ATP6V0D2: variants seen among roughly 807,000 people sequenced by gnomAD.
The protein encoded by ATP6V0D2 is ATPase H+ transporting V0 subunit d2, also known as V-type proton ATPase subunit d 2.
Under a neutral mutation model 40.0 loss-of-function variants are expected in ATP6V0D2, and 40 were observed. That is an observed-to-expected ratio of 1.00 (90% CI 0.78 to 1.30). ATP6V0D2 has a LOEUF of 1.30. ATP6V0D2 is among the 50% of genes most tolerant of loss of function. ATP6V0D2 has a pLI of 0.00. For missense variants in ATP6V0D2, 470 were observed against 423.1 expected (o/e 1.11, Z -0.97); for synonymous variants, 179 against 156.3 (o/e 1.15, Z -1.08).
intron 2 of ATP6V0D2, among the ~76,000 whole-genome samples, chr8:86,137,773 G>C (rs961240638): frequency 6.6e-6 from 1 of 152,154 alleles, no homozygotes; most frequent in Non-Finnish European, 1.5e-5. Context: ...TTCAGAAGCA[G>C]ACTGCCTGAG....
At chr8:86,126,252 A>ATATATATATATATGTATG (rs1232910654) in intron 2 of ATP6V0D2, among the ~76,000 whole-genome samples, 2 of 135,830 alleles carry the variant, frequency 1.5e-5, no homozygotes, top group Non-Finnish European at 3.2e-5. Flanking sequence ...ATATATATAT[A>ATATATATATATATGTATG]TATATATATA....
chr8:86,102,062 G>A (rs1349461102), intron 1 of ATP6V0D2, among the ~76,000 whole-genome samples: 2 of 152,162 alleles, frequency 1.3e-5, no homozygotes, highest in East Asian at 3.8e-4. Context: ...ACACGCTATT[G>A]GTGATGGAGG....
At chr8:86,114,868 T>G (rs927509785) in intron 2 of ATP6V0D2, among the ~76,000 whole-genome samples, 1 of 152,108 alleles carries the variant, frequency 6.6e-6, no homozygotes, top group Non-Finnish European at 1.5e-5. Context: ...AAAATGTAGA[T>G]GTAAAGCACA....
intron 1 of ATP6V0D2, among the ~76,000 whole-genome samples, chr8:86,103,468 G>C (rs1390982283): frequency 6.6e-6 from 1 of 151,932 alleles, no homozygotes; most frequent in Non-Finnish European, 1.5e-5. Flanking sequence ...TTGTTTAGAA[G>C]GGAATTAGGG....
intron 3 of ATP6V0D2, 71 bp downstream of exon 3, chr8:86,139,706 T>G: frequency 6.8e-7 from 1 of 1,463,476 alleles, no homozygotes; most frequent in South Asian, 1.4e-5. Flanking sequence ...GTACTATTTT[T>G]TTCTTCCCTG....
chr8:86,112,526 T>C (rs1184097885), intron 1 of ATP6V0D2, among the ~76,000 whole-genome samples: 2 of 152,120 alleles, frequency 1.3e-5, no homozygotes, highest in East Asian at 3.9e-4. Flanking sequence ...TTGCCATGAG[T>C]ATTAAATGAG....
chr8:86,112,849 G>T (rs990295981), intron 1 of ATP6V0D2, among the ~76,000 whole-genome samples: 1 of 152,134 alleles, frequency 6.6e-6, no homozygotes, highest in Admixed American at 6.6e-5. Context: ...ACGATGCTGG[G>T]TTATAAGAAT....
At chr8:86,127,482 G>T (rs757589613) in intron 2 of ATP6V0D2, among the ~76,000 whole-genome samples, 26 of 151,522 alleles carry the variant, frequency 1.7e-4, no homozygotes, top group Non-Finnish European at 2.4e-4. Flanking sequence ...TTGAGACAGG[G>T]TCTTATTCTG....
At chr8:86,103,273 AT>A in intron 1 of ATP6V0D2, among the ~76,000 whole-genome samples, 1 of 148,778 alleles carries the variant, frequency 6.7e-6, no homozygotes, top group East Asian at 2.0e-4. Context: ...ATGTGCCACC[AT>A]GCCTGGCTAG....
chr8:86,123,357 T>C (rs1423202862), intron 2 of ATP6V0D2, among the ~76,000 whole-genome samples: 2 of 152,246 alleles, frequency 1.3e-5, no homozygotes, highest in African/African-American at 4.8e-5. Context: ...ATCATTTTTT[T>C]CTTTTTTGCT....
intron 1 of ATP6V0D2, among the ~76,000 whole-genome samples, chr8:86,100,289 A>G (rs1173573672): frequency 6.6e-6 from 1 of 151,860 alleles, no homozygotes; most frequent in African/African-American, 2.4e-5. Flanking sequence ...AGCTACACTC[A>G]CTGATTTTGA....
intron 2 of ATP6V0D2, among the ~76,000 whole-genome samples, chr8:86,118,143 C>T (rs1168968677): frequency 1.4e-5 from 2 of 139,344 alleles, no homozygotes; most frequent in East Asian, 4.2e-4. Context: ...AGACGTGAAC[C>T]TCCGCCTCCC....
chr8:86,145,233 A>AG (rs1819038296), intron 5 of ATP6V0D2, among the ~76,000 whole-genome samples: 4 of 38,478 alleles, frequency 1.0e-4, no homozygotes, highest in African/African-American at 4.4e-4. Flanking sequence ...GAAAGAAAGA[A>AG]AGAGAGAGAG....
At chr8:86,152,723 C>A (rs1418896212) in intron 7 of ATP6V0D2, 93 bp from the exon 8 acceptor site, 2 of 1,273,588 alleles carry the variant, frequency 1.6e-6, no homozygotes, top group Middle Eastern at 2.0e-4. Flanking sequence ...CACAAATAAG[C>A]ACTGCACAAG....
chr8:86,139,363 A>T lies in ATP6V0D2; in HGVS notation c.303-94A>T, dbSNP rs913374835. The T allele has an allele frequency of 3.9e-6, 4 of 1,014,698 alleles. No individual in the cohort carries two copies. In the African/African-American group the frequency reaches 4.9e-5, roughly 12 times the overall value. The allele number at this position is 1,014,698 out of a possible 1,614,324, so 62.9% of individuals were successfully genotyped here. On this transcript the variant is annotated intron_variant, in intron 2 of 7. Transcript: ENST00000285393. ...GACTCATGTATTTTCTGAATGAAAC[A>T]GTGTGTACCTAAAGAGTGTGTGTTT...
intron 2 of ATP6V0D2, among the ~76,000 whole-genome samples, chr8:86,121,530 A>T (rs1212196245): frequency 2.0e-5 from 3 of 151,538 alleles, no homozygotes; most frequent in Non-Finnish European, 4.4e-5. Flanking sequence ...AGATCGTGCC[A>T]CTGCACTCCA....
intron 1 of ATP6V0D2, among the ~76,000 whole-genome samples, chr8:86,100,641 T>G (rs1818384844): frequency 2.0e-5 from 3 of 152,068 alleles, no homozygotes; most frequent in African/African-American, 7.2e-5. Context: ...AAACCCCAAA[T>G]CCTAAGTCAC....
At chr8:86,118,392 T>G (rs1356348033) in intron 2 of ATP6V0D2, among the ~76,000 whole-genome samples, 2 of 151,754 alleles carry the variant, frequency 1.3e-5, no homozygotes, top group Non-Finnish European at 2.9e-5. Flanking sequence ...TTTTTCAAGG[T>G]TGTGTGTATA....
chr8:86,102,655 T>C (rs371274620), intron 1 of ATP6V0D2, among the ~76,000 whole-genome samples: 4 of 152,336 alleles, frequency 2.6e-5, no homozygotes, highest in South Asian at 4.1e-4. Context: ...TGAAAAGTGT[T>C]AGTATTCATA....
Sources: gnomAD v4.1 joint callset for allele counts (sites outside exome capture counted in the v4.1 genomes callset) on GRCh38, gnomAD v4.1.1 for gene constraint, MANE v1.5 for transcripts, NCBI Gene and HGNC (gene_info 2026-07-23, HGNC 2026-07-21) for gene names.